The following STXBP5L variants were observed in gnomAD, a reference collection of about 807,000 sequenced individuals.
STXBP5L encodes syntaxin binding protein 5L, also known as syntaxin-binding protein 5-like.
STXBP5L carries 65 observed loss-of-function variants against 144.5 expected under a neutral mutation model. That is an observed-to-expected ratio of 0.45 (90% CI 0.37 to 0.55). The LOEUF is 0.55. Ranked by LOEUF, STXBP5L falls within the 20% of genes least tolerant of loss-of-function variation. The probability of loss-of-function intolerance (pLI) is 0.00; values close to 1 mark genes in which losing one functional copy is unlikely to be tolerated. For synonymous variants in STXBP5L, 505 were observed against 469.6 expected (o/e 1.08, Z -0.97); for missense variants, 1,298 against 1,405.5 (o/e 0.92, Z 1.22).
At chr3:120,972,841 T>G (rs1488624021) in intron 3 of STXBP5L, among the ~76,000 whole-genome samples, 1 of 152,174 alleles carries the variant, frequency 6.6e-6, no homozygotes, top group Admixed American at 6.6e-5. Context: ...AGTTTTTATG[T>G]TTTTAATTCA....
chr3:121,208,966 T>A (rs540168328), intron 10 of STXBP5L, among the ~76,000 whole-genome samples: 5 of 152,160 alleles, frequency 3.3e-5, no homozygotes, highest in African/African-American at 9.6e-5. Context: ...CCCCTCCCTA[T>A]GTCCATGTAT....
chr3:121,046,528 A>T (rs1947526870), intron 5 of STXBP5L, among the ~76,000 whole-genome samples: 3 of 151,892 alleles, frequency 2.0e-5, no homozygotes, highest in Admixed American at 2.0e-4. Flanking sequence ...TTACTGATTT[A>T]ATTTTGGAAC....
chr3:121,326,785 C>A (rs368584347), intron 20 of STXBP5L, among the ~76,000 whole-genome samples: 1 of 152,040 alleles, frequency 6.6e-6, no homozygotes, highest in Non-Finnish European at 1.5e-5. Context: ...ATTATAAAAG[C>A]AGTGGTGAAT....
intron 18 of STXBP5L, among the ~76,000 whole-genome samples, chr3:121,275,889 G>A (rs576983663): frequency 4.6e-5 from 7 of 151,692 alleles, no homozygotes; most frequent in East Asian, 1.9e-4. Context: ...CCATCATTTC[G>A]CTTTATATTT....
chr3:120,990,163 AACAG>A (rs1942695526), intron 3 of STXBP5L, among the ~76,000 whole-genome samples: 2 of 152,266 alleles, frequency 1.3e-5, no homozygotes, highest in Admixed American at 6.5e-5. Context: ...ATACACCAAT[AACAG>A]ACAAACAGAG....
intron 18 of STXBP5L, among the ~76,000 whole-genome samples, chr3:121,267,915 T>C (rs1165868281): frequency 6.6e-6 from 1 of 152,202 alleles, no homozygotes; most frequent in Non-Finnish European, 1.5e-5. Flanking sequence ...CAACAGATGC[T>C]GGAGAGGATT....
At chr3:120,958,725 C>A (rs547100569) in intron 3 of STXBP5L, among the ~76,000 whole-genome samples, 9 of 152,286 alleles carry the variant, frequency 5.9e-5, no homozygotes, top group Admixed American at 3.9e-4. Flanking sequence ...TAAAAACTCT[C>A]AATAAATTAG....
At chr3:121,029,710 A>G (rs749492537) in intron 3 of STXBP5L, among the ~76,000 whole-genome samples, 33 of 152,208 alleles carry the variant, frequency 2.2e-4, no homozygotes, top group Non-Finnish European at 2.9e-5. Context: ...GAGATTCTGC[A>G]CAGCAAAAGA....
At chr3:121,300,688 T>G (rs1197350526) in intron 19 of STXBP5L, among the ~76,000 whole-genome samples, 3 of 152,042 alleles carry the variant, frequency 2.0e-5, no homozygotes, top group Non-Finnish European at 4.4e-5. Context: ...ACTAAGTATA[T>G]TTTATTTTCT....
intron 5 of STXBP5L, among the ~76,000 whole-genome samples, chr3:121,108,848 T>A (rs1233803108): frequency 6.6e-6 from 1 of 152,110 alleles, no homozygotes; most frequent in African/African-American, 2.4e-5. Context: ...GGTCCTGGGC[T>A]TTTTTTGGTT....
intron 22 of STXBP5L, among the ~76,000 whole-genome samples, chr3:121,389,053 T>C (rs984735441): frequency 6.6e-6 from 1 of 152,222 alleles, no homozygotes; most frequent in Non-Finnish European, 1.5e-5. Context: ...TATTAATTAT[T>C]GCCTCAATCT....
intron 20 of STXBP5L, among the ~76,000 whole-genome samples, chr3:121,356,808 A>C (rs988971668): frequency 5.9e-5 from 9 of 152,158 alleles, no homozygotes; most frequent in African/African-American, 1.2e-4. Flanking sequence ...AGCTGTTCCT[A>C]TTTGGCCATC....
intron 20 of STXBP5L, among the ~76,000 whole-genome samples, chr3:121,332,808 G>T (rs903790391): frequency 6.6e-6 from 1 of 151,790 alleles, no homozygotes; most frequent in East Asian, 1.9e-4. Context: ...CATCACCAAG[G>T]CATTTGTCAT....
chr3:121,094,456 C>T (rs553142287), intron 5 of STXBP5L, among the ~76,000 whole-genome samples: 1 of 152,072 alleles, frequency 6.6e-6, no homozygotes, highest in South Asian at 2.1e-4. Flanking sequence ...CTGGGTGCTC[C>T]TGTATTGGGT....
At chr3:121,170,709 C>T (rs556158601) in intron 9 of STXBP5L, among the ~76,000 whole-genome samples, 4 of 152,066 alleles carry the variant, frequency 2.6e-5, no homozygotes, top group Admixed American at 2.6e-4. Flanking sequence ...ATTAGCCTAC[C>T]AACCAAAAAC....
chr3:121,333,558 A>C lies in STXBP5L; in HGVS notation c.2176+15018A>C, dbSNP rs182106507. On this transcript the variant is annotated intron_variant, in intron 20 of 26. Transcript: ENST00000471454. The stretch of plus-strand genomic sequence containing the variant: ...TGAAGGAGATTGGGACACACACACA[A>C]AAAAAAAACATTCAAAAGATCAATG... 8.9e-3 allele frequency among the ~76,000 whole-genome samples: 1,270 copies of C among 143,188 alleles called. 15 individuals carry two copies. The highest frequency in any genetic ancestry group is 0.017 in the African/African-American group (690 of 40,090). The allele number at this position is 143,188 out of a possible 152,430, so 93.9% of individuals were successfully genotyped here. A position where few individuals can be genotyped will look rare whatever the true frequency, so the allele number is the denominator to read the frequency against.
In STXBP5L at chr3:121,318,925, C is replaced by T. The variant is rs923070109; in HGVS notation, c.2176+385C>T. 2.1e-4 allele frequency among the ~76,000 whole-genome samples: 32 copies of T among 152,050 alleles called. 1 individual carries two copies. The highest frequency in any genetic ancestry group is 2.9e-5 in the Non-Finnish European group (2 of 67,984). On this transcript the variant is annotated intron_variant, in intron 20 of 26. Transcript: ENST00000471454. ...AGTATATATGCAGAAGCAAATGATA[C>T]CATTCCTCTAGACCACAGTTTGGAA... is the stretch of plus-strand genomic sequence containing the variant.
At chr3:121,366,298 C>G (rs1466654367) in intron 20 of STXBP5L, among the ~76,000 whole-genome samples, 2 of 151,840 alleles carry the variant, frequency 1.3e-5, no homozygotes, top group African/African-American at 4.8e-5. Flanking sequence ...ATTAAGTCCT[C>G]TTTTCTCTTA....
chr3:121,212,292 G>C (rs554755445), intron 10 of STXBP5L, among the ~76,000 whole-genome samples: 1 of 152,174 alleles, frequency 6.6e-6, no homozygotes, highest in Non-Finnish European at 1.5e-5. Flanking sequence ...GTTTGCCCAT[G>C]CCTACATCCT....
Sources: gnomAD v4.1 joint callset for allele counts (sites outside exome capture counted in the v4.1 genomes callset) on GRCh38, gnomAD v4.1.1 for gene constraint, MANE v1.5 for transcripts, NCBI Gene and HGNC (gene_info 2026-07-23, HGNC 2026-07-21) for gene names.